The following GULP1 variants were observed in gnomAD, a reference collection of about 807,000 sequenced individuals.
GULP1 encodes GULP PTB domain containing engulfment adaptor 1.
Under a neutral mutation model 40.9 loss-of-function variants are expected in GULP1, and 19 were observed. The observed-to-expected ratio is 0.46, with a 90% CI of 0.32 to 0.68. The LOEUF is 0.68. Among genes scored for constraint, GULP1 ranks in the 30% least tolerant of loss-of-function variants. The pLI, the probability that GULP1 is intolerant of heterozygous loss-of-function variation, is 0.03. For missense variants in GULP1, 312 were observed against 362.2 expected, an observed-to-expected ratio of 0.86 and a Z score of 1.12; for synonymous variants, 119 against 117.6, an observed-to-expected ratio of 1.01 and a Z score of -0.08.
At chr2:188,526,735 G>A (rs960181185) in intron 5 of GULP1, among the ~76,000 whole-genome samples, 12 of 152,138 alleles carry the variant, frequency 7.9e-5, no homozygotes, top group Non-Finnish European at 1.6e-4. Context: ...TGATATGCAT[G>A]AAGGTAGAAC....
intron 2 of GULP1, among the ~76,000 whole-genome samples, chr2:188,408,030 A>T (rs533409449): frequency 6.6e-6 from 1 of 152,232 alleles, no homozygotes; most frequent in Non-Finnish European, 1.5e-5. Context: ...TTTCATGTTG[A>T]TAGCTCAGTC....
intron 2 of GULP1, among the ~76,000 whole-genome samples, chr2:188,406,586 T>C (rs372622909): frequency 7.2e-5 from 11 of 151,934 alleles, no homozygotes; most frequent in African/African-American, 2.7e-4. Flanking sequence ...AAAAATGCAA[T>C]AGAGAGTGTC....
intron 2 of GULP1, among the ~76,000 whole-genome samples, chr2:188,425,824 C>T (rs1288184905): frequency 6.6e-6 from 1 of 152,102 alleles, no homozygotes; most frequent in South Asian, 2.1e-4. Flanking sequence ...TATGTTTTAA[C>T]ATCACATGAA....
chr2:188,577,004 A>C (rs1700301744), intron 9 of GULP1, among the ~76,000 whole-genome samples: 1 of 152,140 alleles, frequency 6.6e-6, no homozygotes, highest in African/African-American at 2.4e-5. Flanking sequence ...TTTCATTATA[A>C]GATGTGGGCA....
intron 2 of GULP1, among the ~76,000 whole-genome samples, chr2:188,394,773 C>T (rs1255029384): frequency 1.6e-4 from 25 of 152,116 alleles, no homozygotes; most frequent in Admixed American, 1.6e-3. Context: ...TAATGCAGCT[C>T]TTGGTGCTTC....
intron 6 of GULP1, among the ~76,000 whole-genome samples, chr2:188,534,479 G>A (rs2153275004): frequency 6.6e-6 from 1 of 151,068 alleles, no homozygotes; most frequent in East Asian, 1.9e-4. Context: ...GTTTCTGGGG[G>A]CTACCAGAGG....
At chr2:188,318,497 A>G (rs1489595377) in intron 1 of GULP1, among the ~76,000 whole-genome samples, 1 of 152,136 alleles carries the variant, frequency 6.6e-6, no homozygotes, top group Admixed American at 6.6e-5. Flanking sequence ...GCTCAATATG[A>G]GGCAGAAGGT....
intron 1 of GULP1, among the ~76,000 whole-genome samples, chr2:188,294,632 C>A (rs13394232): frequency 0.15 from 22,884 of 151,950 alleles, 1,870 homozygotes; most frequent in Middle Eastern, 0.17. Context: ...TTTATATTTC[C>A]TCTGTATTTA....
chr2:188,503,379 C>T (rs879695559), intron 4 of GULP1, among the ~76,000 whole-genome samples: 4 of 151,408 alleles, frequency 2.6e-5, no homozygotes, highest in East Asian at 2.0e-4. Context: ...CAGCAGAAAG[C>T]GAAGGGGAAG....
chr2:188,321,151 T>C (rs1478980145), intron 1 of GULP1, among the ~76,000 whole-genome samples: 3 of 152,138 alleles, frequency 2.0e-5, no homozygotes, highest in Non-Finnish European at 4.4e-5. Flanking sequence ...AATCACTTCC[T>C]TTGAAGAAAC....
chr2:188,435,244 T>C (rs924646436), intron 2 of GULP1, among the ~76,000 whole-genome samples: 4 of 152,104 alleles, frequency 2.6e-5, no homozygotes, highest in Non-Finnish European at 5.9e-5. Flanking sequence ...ATGACTCAGA[T>C]TGTTCCAACT....
intron 1 of GULP1, among the ~76,000 whole-genome samples, chr2:188,383,421 A>T (rs766749238): frequency 1.3e-5 from 2 of 152,170 alleles, no homozygotes; most frequent in Non-Finnish European, 2.9e-5. Flanking sequence ...AGTCCAAATA[A>T]ATCATATGTG....
At chr2:188,328,259 C>T (rs568013117) in intron 1 of GULP1, among the ~76,000 whole-genome samples, 1 of 152,254 alleles carries the variant, frequency 6.6e-6, no homozygotes, top group South Asian at 2.1e-4. Context: ...CTTAATCTCT[C>T]TATTTCCATT....
intron 2 of GULP1, among the ~76,000 whole-genome samples, chr2:188,403,318 T>TA (rs1318721593): frequency 1.3e-5 from 2 of 152,116 alleles, no homozygotes; most frequent in Non-Finnish European, 2.9e-5. Flanking sequence ...TTTTTTTAAT[T>TA]AAAAAATGAA....
chr2:188,400,170 G>A (rs946013694), intron 2 of GULP1, among the ~76,000 whole-genome samples: 2 of 152,002 alleles, frequency 1.3e-5, no homozygotes, highest in Non-Finnish European at 2.9e-5. Flanking sequence ...GTGGCTCCTT[G>A]TATTGCTTGA....
intron 4 of GULP1, among the ~76,000 whole-genome samples, chr2:188,516,103 G>A (rs1351293598): frequency 6.6e-6 from 1 of 152,034 alleles, no homozygotes; most frequent in Non-Finnish European, 1.5e-5. Flanking sequence ...CATATCTGTA[G>A]TGGCCATCAA....
chr2:188,401,203 G>A (rs2052236111), intron 2 of GULP1, among the ~76,000 whole-genome samples: 1 of 151,974 alleles, frequency 6.6e-6, no homozygotes, highest in Admixed American at 6.6e-5. Flanking sequence ...GTATTATGCG[G>A]AATTAAATAA....
intron 2 of GULP1, among the ~76,000 whole-genome samples, chr2:188,418,239 A>G (rs1211225667): frequency 6.6e-6 from 1 of 152,152 alleles, no homozygotes; most frequent in African/African-American, 2.4e-5. Flanking sequence ...AATATTTACA[A>G]TGCTTACCTC....
At chr2:188,347,665 G>A (rs985615633) in intron 1 of GULP1, among the ~76,000 whole-genome samples, 3 of 148,626 alleles carry the variant, frequency 2.0e-5, no homozygotes, top group Non-Finnish European at 4.4e-5. Context: ...CCAGGCTGGA[G>A]TGCTGTAGTG....
Sources: allele counts gnomAD v4.1 joint callset (sites outside exome capture counted in the v4.1 genomes callset), GRCh38; gene constraint gnomAD v4.1.1; transcripts MANE v1.5; gene names NCBI Gene and HGNC (gene_info 2026-07-23, HGNC 2026-07-21).